ADAMTS17: variants seen among roughly 807,000 people sequenced by gnomAD.
The protein encoded by ADAMTS17 is ADAM metallopeptidase with thrombospondin type 1 motif 17.
ADAMTS17 carries 113 observed loss-of-function variants against 141.5 expected under a neutral mutation model. The ratio of observed to expected loss-of-function variants is 0.80; its 90% confidence interval spans 0.69 to 0.93. The LOEUF (loss-of-function observed/expected upper bound fraction) is 0.93, where lower values mean the gene tolerates loss of function less well. Ranked by LOEUF, ADAMTS17 falls within the 40% of genes least tolerant of loss-of-function variation. ADAMTS17 has a pLI of 0.00. For synonymous variants in ADAMTS17, 768 were observed against 630.6 expected (o/e 1.22, Z -3.27); for missense variants, 1,659 against 1,517.9 (o/e 1.09, Z -1.54).
At chr15:100,206,057 C>T (rs766511235) in intron 7 of ADAMTS17, among the ~76,000 whole-genome samples, 1 of 152,226 alleles carries the variant, frequency 6.6e-6, no homozygotes, top group Non-Finnish European at 1.5e-5. Flanking sequence ...CTCATTCTGA[C>T]CGCTCTCTCG....
rs139687378 is a variant in ADAMTS17 at position 99,991,978 on chromosome 15, C to T, written c.2949+1070G>A. Among the ~76,000 whole-genome samples the T allele has an allele frequency of 4.7e-3, 720 of 151,964 alleles. 2 individuals carry two copies. The highest frequency in any genetic ancestry group is 0.016 in the African/African-American group (659 of 41,408). On this transcript the variant is annotated intron_variant, in intron 20 of 21. Coordinates refer to ENST00000268070, the MANE Select transcript of ADAMTS17 (RefSeq NM_139057.4). ...ATAAGTGGGAGGTGAGCAATGAGAA[C>T]ATATGGACACAGGGAGGGGAACATC...
At chr15:100,266,877 G>C (rs572075114) in intron 4 of ADAMTS17, among the ~76,000 whole-genome samples, 1 of 152,178 alleles carries the variant, frequency 6.6e-6, no homozygotes, top group East Asian at 1.9e-4. Context: ...AGCTCCGGAG[G>C]ATGAGACCTC....
intron 8 of ADAMTS17, among the ~76,000 whole-genome samples, chr15:100,184,489 T>C (rs1009048756): frequency 1.3e-5 from 2 of 152,232 alleles, no homozygotes; most frequent in South Asian, 4.1e-4. Flanking sequence ...TAGAGAAGGT[T>C]ACCTTTACGT....
At chr15:100,027,696 T>G (rs937681541) in intron 18 of ADAMTS17, among the ~76,000 whole-genome samples, 1 of 152,226 alleles carries the variant, frequency 6.6e-6, no homozygotes, top group Non-Finnish European at 1.5e-5. Context: ...TGATTCCTGC[T>G]CCGGTAAATT....
At chr15:100,093,449 A>G (rs1353803786) in intron 15 of ADAMTS17, among the ~76,000 whole-genome samples, 2 of 152,098 alleles carry the variant, frequency 1.3e-5, no homozygotes, top group Non-Finnish European at 2.9e-5. Flanking sequence ...TTTAGGGGCA[A>G]GCAGAGATGA....
chr15:100,100,721 C>T (rs564705499), intron 14 of ADAMTS17, among the ~76,000 whole-genome samples: 1 of 152,130 alleles, frequency 6.6e-6, no homozygotes, highest in South Asian at 2.1e-4. Context: ...ACTATGGGAG[C>T]ATTTTTCTCC....
chr15:100,215,173 A>T (rs574835543), intron 7 of ADAMTS17, among the ~76,000 whole-genome samples: 1 of 152,242 alleles, frequency 6.6e-6, no homozygotes, highest in Non-Finnish European at 1.5e-5. Flanking sequence ...CGCAGTAGCA[A>T]TACTAAATCA....
At chr15:100,250,159 A>G (rs759402848) in intron 7 of ADAMTS17, among the ~76,000 whole-genome samples, 1 of 152,264 alleles carries the variant, frequency 6.6e-6, no homozygotes, top group African/African-American at 2.4e-5. Context: ...GCCAAAAAAG[A>G]TGAGTATAAG....
intron 19 of ADAMTS17, among the ~76,000 whole-genome samples, chr15:99,994,653 G>A (rs1270066065): frequency 3.9e-5 from 6 of 152,198 alleles, no homozygotes; most frequent in South Asian, 4.1e-4. Context: ...TGCAACCTCC[G>A]CCTCCCGGGT....
intron 18 of ADAMTS17, among the ~76,000 whole-genome samples, chr15:100,023,064 GA>G (rs2061433891): frequency 6.6e-6 from 1 of 152,200 alleles, no homozygotes; most frequent in Admixed American, 6.5e-5. Flanking sequence ...TTCTCAGCAA[GA>G]GGCACACAGG....
At chr15:100,076,910 T>C (rs2034417322) in intron 15 of ADAMTS17, among the ~76,000 whole-genome samples, 2 of 152,172 alleles carry the variant, frequency 1.3e-5, no homozygotes, top group Non-Finnish European at 2.9e-5. Flanking sequence ...ATGTATGTTA[T>C]TATGTATAGC....
chr15:100,137,833 T>C (rs2038414535), intron 10 of ADAMTS17, among the ~76,000 whole-genome samples: 1 of 151,982 alleles, frequency 6.6e-6, no homozygotes, highest in African/African-American at 2.4e-5. Context: ...CATCCACCCT[T>C]TCACTGCCAA....
At chr15:100,079,131 T>A (rs1467537884) in intron 15 of ADAMTS17, among the ~76,000 whole-genome samples, 1 of 152,182 alleles carries the variant, frequency 6.6e-6, no homozygotes, top group East Asian at 1.9e-4. Flanking sequence ...GCCGCCACTT[T>A]GGAAAAGAGT....
At position 100,009,783 on chromosome 15, in the gene ADAMTS17, A is replaced by AT. The variant is rs572012925; in HGVS notation, c.2592-12195dup. Among the ~76,000 whole-genome samples, 20 of 151,924 alleles carry AT rather than the reference A, an allele frequency of 1.3e-4. 1 individual carries two copies. The highest frequency in any genetic ancestry group is 8.3e-4 in the South Asian group (4 of 4,794). ...AACAGAGATGGTCACATTCATCTTA[A>AT]TTTTTTTTTCTAACTTTCAACAGAT... On this transcript the variant is annotated intron_variant, in intron 18 of 21. Transcript: ENST00000268070.
intron 18 of ADAMTS17, among the ~76,000 whole-genome samples, chr15:100,025,342 G>A (rs1027719461): frequency 4.0e-5 from 6 of 149,494 alleles, no homozygotes; most frequent in Admixed American, 3.3e-4. Flanking sequence ...TTTTAGGTGT[G>A]TTTTTTTGCA....
chr15:100,153,887 A>T (rs1389470278), intron 9 of ADAMTS17, among the ~76,000 whole-genome samples: 2 of 151,778 alleles, frequency 1.3e-5, no homozygotes, highest in Admixed American at 6.6e-5. Flanking sequence ...GCAAATAAAA[A>T]CACCTGATCT....
chr15:100,252,870 CATT>C (rs776376287), intron 7 of ADAMTS17, among the ~76,000 whole-genome samples: 3 of 152,118 alleles, frequency 2.0e-5, no homozygotes, highest in Non-Finnish European at 4.4e-5. Flanking sequence ...TGGTAGCTAT[CATT>C]ATATTAGATT....
At chr15:100,083,966 A>C (rs993157248) in intron 15 of ADAMTS17, among the ~76,000 whole-genome samples, 1 of 152,022 alleles carries the variant, frequency 6.6e-6, no homozygotes, top group Admixed American at 6.6e-5. Flanking sequence ...TACTAGGTTC[A>C]TCTCACTGGG....
chr15:100,188,812 A>C (rs74617151), intron 8 of ADAMTS17, among the ~76,000 whole-genome samples: 4 of 152,224 alleles, frequency 2.6e-5, no homozygotes, highest in Non-Finnish European at 5.9e-5. Flanking sequence ...CTAGCACTGC[A>C]CAGGCAGCAA....
Sources: gnomAD v4.1 joint callset for allele counts (sites outside exome capture counted in the v4.1 genomes callset) on GRCh38, gnomAD v4.1.1 for gene constraint, MANE v1.5 for transcripts, NCBI Gene and HGNC (gene_info 2026-07-23, HGNC 2026-07-21) for gene names.